Variants in CTBP2 observed in about 807,000 individuals in gnomAD.
CTBP2 encodes the protein C-terminal-binding protein 2.
A neutral mutation model predicts 80.3 loss-of-function variants in CTBP2; 30 were observed. That is an observed-to-expected ratio of 0.37 (90% CI 0.28 to 0.51). The LOEUF is 0.51. CTBP2 is among the 20% of genes least tolerant of loss of function. CTBP2 has a pLI of 0.93. For missense variants in CTBP2, 1,212 were observed against 1,375.3 expected (o/e 0.88, Z 1.88); for synonymous variants, 594 against 587.4 (o/e 1.01, Z -0.16).
chr10:124,987,014 T>C lies in CTBP2; in HGVS notation c.*2504A>G, dbSNP rs1407686920. 2 of 152,604 alleles carry C rather than the reference T, an allele frequency of 1.3e-5. No homozygotes were observed. Among genetic ancestry groups the C allele is most frequent in the Admixed American group, 6.5e-5 (1 of 15,280 alleles). 9.5% of individuals were successfully genotyped at this position (152,604 alleles called of 1,614,324 possible). A position where few individuals can be genotyped will look rare whatever the true frequency, so the allele number is the denominator to read the frequency against. ...CAGTGACCCTGACCACATAGTGTGA[T>C]AGGTGCAGCATTCTTCCCTGTGGGA... On this transcript the variant is annotated 3_prime_UTR_variant, in exon 9 of 9. Coordinates refer to ENST00000309035, the MANE Select transcript of CTBP2 (RefSeq NM_022802.3).
rs1244243565 is a variant in CTBP2 at position 124,994,038 on chromosome 10, C to G, written c.2401-53G>C. 4 of 1,605,106 alleles carry G rather than the reference C, an allele frequency of 2.5e-6. No homozygotes were observed. In the South Asian group the frequency reaches 3.3e-5, roughly 13 times the overall value. On this transcript the variant is annotated intron_variant, in intron 5 of 8. Transcript: ENST00000309035. ...AGGCACACTGGCATGGTGGAAGACTCTTGTACCAAGGTTTAAAGAAGAAAG... is the reference window on the plus strand; with the variant it reads ...AGGCACACTGGCATGGTGGAAGACTGTTGTACCAAGGTTTAAAGAAGAAAG...
At chr10:125,036,675 G>T (rs1451257098) in intron 3 of CTBP2, among the ~76,000 whole-genome samples, 1 of 27,120 alleles carries the variant, frequency 3.7e-5, no homozygotes, top group African/African-American at 4.2e-4. Flanking sequence ...GGGGGTGTGT[G>T]TGTGTGTGTG....
intron 1 of CTBP2, among the ~76,000 whole-genome samples, chr10:125,159,484 C>A (rs1861563174): frequency 6.8e-6 from 1 of 146,834 alleles, no homozygotes; most frequent in East Asian, 2.0e-4. Flanking sequence ...GGCCGAGCCC[C>A]GCGCGGCAGT....
chr10:125,076,449 G>C (rs762558672), intron 2 of CTBP2, among the ~76,000 whole-genome samples: 6 of 152,152 alleles, frequency 3.9e-5, no homozygotes, highest in Non-Finnish European at 7.3e-5. Flanking sequence ...ATCTCCTCTA[G>C]GTTCAGTTCT....
intron 1 of CTBP2, among the ~76,000 whole-genome samples, chr10:125,142,893 T>C (rs1858076166): frequency 6.6e-6 from 1 of 152,118 alleles, no homozygotes; most frequent in African/African-American, 2.4e-5. Flanking sequence ...GAAAATCATT[T>C]CGTTACCTCC....
chr10:125,119,028 C>A (rs962847271), intron 1 of CTBP2, among the ~76,000 whole-genome samples: 1 of 152,214 alleles, frequency 6.6e-6, no homozygotes, highest in Non-Finnish European at 1.5e-5. Flanking sequence ...TGGTGTCAGG[C>A]TCCGGTCTTG....
intron 1 of CTBP2, among the ~76,000 whole-genome samples, chr10:125,152,150 C>T (rs1023268557): frequency 6.6e-6 from 1 of 152,018 alleles, no homozygotes; most frequent in Admixed American, 6.5e-5. Flanking sequence ...GGCGGGGCCT[C>T]CAGGTCCACC....
chr10:125,094,641 G>A (rs546290883), intron 2 of CTBP2, among the ~76,000 whole-genome samples: 2 of 152,218 alleles, frequency 1.3e-5, no homozygotes, highest in African/African-American at 4.8e-5. Flanking sequence ...TGGTCATGCC[G>A]GGGTGGGGAG....
intron 2 of CTBP2, chr10:125,100,843 A>T (rs1590778786): frequency 6.6e-6 from 1 of 152,346 alleles, no homozygotes; most frequent in East Asian, 1.9e-4. Flanking sequence ...TGCATTCAGG[A>T]TCTATGGGCA....
chr10:125,084,904 T>A (rs1481970309), intron 2 of CTBP2, among the ~76,000 whole-genome samples: 1 of 152,200 alleles, frequency 6.6e-6, no homozygotes, highest in African/African-American at 2.4e-5. Context: ...CACACAGCCA[T>A]GAGTTCCGCC....
At chr10:125,131,712 A>AT (rs1489820056) in intron 1 of CTBP2, among the ~76,000 whole-genome samples, 1 of 152,188 alleles carries the variant, frequency 6.6e-6, no homozygotes. Flanking sequence ...CATGTTCCTA[A>AT]TGGGCAACTC....
At chr10:125,134,331 G>GC (rs889002949) in intron 1 of CTBP2, among the ~76,000 whole-genome samples, 10 of 152,218 alleles carry the variant, frequency 6.6e-5, no homozygotes, top group South Asian at 2.1e-4. Context: ...CCCAGCGGAA[G>GC]CCCCCCCGCC....
intron 1 of CTBP2, among the ~76,000 whole-genome samples, chr10:125,150,221 TG>T (rs1859577616): frequency 1.3e-5 from 2 of 151,980 alleles, no homozygotes; most frequent in South Asian, 2.1e-4. Context: ...TCGAGGGAGA[TG>T]GGGGGTGGAG....
At chr10:125,132,592 C>T (rs1329868695) in intron 1 of CTBP2, among the ~76,000 whole-genome samples, 5 of 152,198 alleles carry the variant, frequency 3.3e-5, no homozygotes. Context: ...TGTCTCCCAG[C>T]ACACCCCCAA....
intron 3 of CTBP2, among the ~76,000 whole-genome samples, chr10:125,002,437 C>T (rs1954656869): frequency 6.6e-6 from 1 of 152,232 alleles, no homozygotes; most frequent in Non-Finnish European, 1.5e-5. Context: ...AAGCCTCTGT[C>T]ATCAACTGTG....
chr10:125,063,739 G>A (rs1383546155), intron 2 of CTBP2, among the ~76,000 whole-genome samples: 1 of 152,234 alleles, frequency 6.6e-6, no homozygotes, highest in Non-Finnish European at 1.5e-5. Flanking sequence ...GGGAATGTAA[G>A]TTTTGCGAAT....
chr10:125,069,499 T>C (rs1404293370), intron 2 of CTBP2, among the ~76,000 whole-genome samples: 2 of 152,140 alleles, frequency 1.3e-5, no homozygotes, highest in East Asian at 1.9e-4. Context: ...ACACCTGTAA[T>C]CCCAGCTACT....
intron 2 of CTBP2, among the ~76,000 whole-genome samples, chr10:125,057,327 AAG>A (rs1308666671): frequency 6.6e-6 from 1 of 152,192 alleles, no homozygotes; most frequent in Non-Finnish European, 1.5e-5. Context: ...CACTCCTCGA[AAG>A]AGAGACACAC....
chr10:125,057,846 AC>A (rs1360120929), intron 2 of CTBP2, among the ~76,000 whole-genome samples: 8 of 152,228 alleles, frequency 5.3e-5, no homozygotes, highest in Admixed American at 4.6e-4. Flanking sequence ...GCTTCGGGCA[AC>A]AGACTGGCCT....
Sources: gnomAD v4.1 joint callset for allele counts (sites outside exome capture counted in the v4.1 genomes callset) on GRCh38, gnomAD v4.1.1 for gene constraint, MANE v1.5 for transcripts, NCBI Gene and HGNC (gene_info 2026-07-23, HGNC 2026-07-21) for gene names.